PICALM: variants seen among roughly 807,000 people sequenced by gnomAD.
The protein encoded by PICALM is phosphatidylinositol binding clathrin assembly protein.
PICALM carries 40 observed loss-of-function variants against 80.5 expected under a neutral mutation model. The ratio of observed to expected loss-of-function variants is 0.50; its 90% CI spans 0.39 to 0.65. PICALM has a LOEUF of 0.65. Among genes scored for constraint, PICALM ranks in the 30% least tolerant of loss-of-function variants. The probability of loss-of-function intolerance (pLI) is 0.00; values close to 1 mark genes in which losing one functional copy is unlikely to be tolerated. For synonymous variants in PICALM, 288 were observed against 260.3 expected, an observed-to-expected ratio of 1.11 and a Z score of -1.02; for missense variants, 676 against 778.9, an observed-to-expected ratio of 0.87 and a Z score of 1.57.
At chr11:85,974,334 C>A in intron 19 of PICALM, 1 of 339,332 alleles carries the variant, frequency 2.9e-6, no homozygotes, top group Admixed American at 3.6e-5. Flanking sequence ...ACACGCCCTG[C>A]TGTAGCATCA....
At chr11:86,064,231 C>A (rs1160289083) in intron 1 of PICALM, among the ~76,000 whole-genome samples, 1 of 152,150 alleles carries the variant, frequency 6.6e-6, no homozygotes, top group African/African-American at 2.4e-5. Flanking sequence ...ATACAAATAA[C>A]CATGCTGTAT....
intron 19 of PICALM, among the ~76,000 whole-genome samples, chr11:85,966,591 GAGTCA>G (rs770239199): frequency 3.3e-5 from 5 of 152,316 alleles, no homozygotes; most frequent in South Asian, 2.1e-4. Flanking sequence ...GTTAGCTGAG[GAGTCA>G]AGTCAAGACT....
chr11:86,004,127 T>C (rs1482562704), intron 8 of PICALM, among the ~76,000 whole-genome samples: 2 of 152,178 alleles, frequency 1.3e-5, no homozygotes, highest in African/African-American at 4.8e-5. Context: ...AAGAAAAGAC[T>C]TAATGTTTAA....
In PICALM at chr11:86,066,812, CTG is replaced by C. The variant is rs201522524; in HGVS notation, c.130+1837_130+1838del. Among the ~76,000 whole-genome samples the C allele has an allele frequency of 7.0e-4, 105 of 150,358 alleles. No individual in the cohort carries two copies. In the East Asian group the frequency reaches 0.019, roughly 27 times the overall value. On this transcript the variant is annotated intron_variant, in intron 1 of 19. Transcript: ENST00000393346. ...AGAATTAACACAGTGTCAGGACAAA[CTG>C]TAAGATTTGGTAGGGCAAACCAAGT...
intron 1 of PICALM, among the ~76,000 whole-genome samples, chr11:86,045,932 T>A (rs765081317): frequency 2.4e-4 from 36 of 152,228 alleles, no homozygotes; most frequent in Non-Finnish European, 4.6e-4. Context: ...CTTTTCAAGT[T>A]AATCTCTTCC....
intron 1 of PICALM, among the ~76,000 whole-genome samples, chr11:86,039,364 T>C (rs749532743): frequency 1.3e-5 from 2 of 151,966 alleles, no homozygotes; most frequent in Non-Finnish European, 2.9e-5. Flanking sequence ...GAACAACCAC[T>C]GCCCTCCAGC....
intron 14 of PICALM, among the ~76,000 whole-genome samples, chr11:85,982,448 T>C (rs927748719): frequency 7.1e-6 from 1 of 140,186 alleles, no homozygotes; most frequent in Non-Finnish European, 1.5e-5. Context: ...TGAGACGGAG[T>C]CTTGCTCTGT....
intron 2 of PICALM, among the ~76,000 whole-genome samples, chr11:86,030,727 T>G (rs146684932): frequency 3.9e-5 from 6 of 152,220 alleles, no homozygotes; most frequent in African/African-American, 1.4e-4. Context: ...AAGGCACACT[T>G]CAATCAGTCC....
chr11:86,050,584 T>G (rs567525379), intron 1 of PICALM, among the ~76,000 whole-genome samples: 566 of 152,298 alleles, frequency 3.7e-3, no homozygotes, highest in Non-Finnish European at 5.5e-3. Context: ...GCAACAATAA[T>G]AATGTTTACA....
chr11:85,993,240 C>G (rs556884800), intron 12 of PICALM, among the ~76,000 whole-genome samples: 16 of 152,170 alleles, frequency 1.1e-4, no homozygotes, highest in East Asian at 1.9e-4. Flanking sequence ...GTGTATGGCA[C>G]CATGCCTGGC....
intron 4 of PICALM, 70 bp from the exon 5 acceptor site, chr11:86,015,033 TG>T: frequency 1.1e-6 from 1 of 897,022 alleles, no homozygotes; most frequent in Non-Finnish European, 1.7e-6. Flanking sequence ...ACTCCCCCCC[TG>T]GTTTTCTACT....
At chr11:86,041,524 T>C (rs894697028) in intron 1 of PICALM, among the ~76,000 whole-genome samples, 26 of 150,066 alleles carry the variant, frequency 1.7e-4, no homozygotes, top group Non-Finnish European at 3.1e-4. Context: ...GATGAGGAAC[T>C]GAAAAGGGAA....
At chr11:86,030,157 A>G (rs1193973329) in intron 2 of PICALM, among the ~76,000 whole-genome samples, 1 of 152,236 alleles carries the variant, frequency 6.6e-6, no homozygotes, top group African/African-American at 2.4e-5. Flanking sequence ...GTAATATTAT[A>G]TAAAAAGCTA....
At chr11:85,964,982 T>C (rs1370469515) in intron 19 of PICALM, among the ~76,000 whole-genome samples, 15 of 152,250 alleles carry the variant, frequency 9.9e-5, no homozygotes, top group African/African-American at 3.1e-4. Flanking sequence ...CTCATATATA[T>C]TGCTGTAGAA....
At chr11:86,035,382 T>C (rs144952615) in intron 1 of PICALM, among the ~76,000 whole-genome samples, 41 of 152,246 alleles carry the variant, frequency 2.7e-4, no homozygotes, top group African/African-American at 9.9e-4. Context: ...TGCAGAGTTC[T>C]CAAGTTCCCA....
intron 19 of PICALM, chr11:85,960,713 G>A (rs2093659992): frequency 6.1e-6 from 8 of 1,319,304 alleles, no homozygotes; most frequent in Non-Finnish European, 8.0e-6. Flanking sequence ...AGAGAGCTCT[G>A]CAAAGGGGTC....
At chr11:86,046,019 G>C (rs1489871879) in intron 1 of PICALM, among the ~76,000 whole-genome samples, 1 of 152,082 alleles carries the variant, frequency 6.6e-6, no homozygotes, top group Non-Finnish European at 1.5e-5. Flanking sequence ...AGAGTGACTG[G>C]GATTGGCAGG....
intron 13 of PICALM, among the ~76,000 whole-genome samples, chr11:85,986,340 A>T (rs2094568854): frequency 1.3e-5 from 2 of 149,124 alleles, no homozygotes; most frequent in South Asian, 4.3e-4. Context: ...ACTTTTTGTG[A>T]AACTATCAGG....
intron 4 of PICALM, among the ~76,000 whole-genome samples, chr11:86,020,233 T>C (rs1328601332): frequency 2.0e-5 from 3 of 151,950 alleles, no homozygotes; most frequent in African/African-American, 7.3e-5. Context: ...AAGATCCAAA[T>C]AAACAGAAAC....
Sources: gnomAD v4.1 joint callset for allele counts (sites outside exome capture counted in the v4.1 genomes callset) on GRCh38, gnomAD v4.1.1 for gene constraint, MANE v1.5 for transcripts, NCBI Gene and HGNC (gene_info 2026-07-23, HGNC 2026-07-21) for gene names.